The following LRP1B variants were observed in gnomAD, a reference collection of about 807,000 sequenced individuals.
The protein encoded by LRP1B is low-density lipoprotein receptor-related protein 1B.
LRP1B carries 217 observed loss-of-function variants against 556.6 expected under a neutral mutation model. The ratio of observed to expected loss-of-function variants is 0.39; its 90% CI spans 0.35 to 0.44. The LOEUF is 0.44. LRP1B is among the 20% of genes least tolerant of loss of function. LRP1B has a pLI of 1.00. For synonymous variants in LRP1B, 2,047 were observed against 1,865.8 expected (o/e 1.10, Z -2.50); for missense variants, 5,053 against 5,620.8 (o/e 0.90, Z 3.23).
intron 5 of LRP1B, among the ~76,000 whole-genome samples, chr2:141,230,146 T>A (rs1683405127): frequency 6.6e-6 from 1 of 152,222 alleles, no homozygotes; most frequent in Admixed American, 6.5e-5. Context: ...ACAGCATATT[T>A]AAACGTAACA....
At chr2:140,884,737 G>T (rs909695342) in intron 24 of LRP1B, among the ~76,000 whole-genome samples, 2 of 152,040 alleles carry the variant, frequency 1.3e-5, no homozygotes, top group East Asian at 1.9e-4. Context: ...TTGAGACAGG[G>T]TCTCACTTTG....
At chr2:141,105,927 A>G (rs975364828) in intron 7 of LRP1B, among the ~76,000 whole-genome samples, 2 of 152,152 alleles carry the variant, frequency 1.3e-5, no homozygotes, top group Non-Finnish European at 2.9e-5. Flanking sequence ...TTAAAAAAAA[A>G]GCTGGTCACC....
chr2:140,903,270 A>T (rs1461215637), intron 22 of LRP1B, 105 bp from the exon 23 acceptor site: 2 of 1,297,998 alleles, frequency 1.5e-6, no homozygotes, highest in Non-Finnish European at 2.1e-6. Flanking sequence ...CCAGGATACT[A>T]CAAATGAATA....
At chr2:140,897,078 C>A (rs1287136247) in intron 23 of LRP1B, among the ~76,000 whole-genome samples, 1 of 152,032 alleles carries the variant, frequency 6.6e-6, no homozygotes, top group East Asian at 1.9e-4. Flanking sequence ...AGATTAATTA[C>A]CAGAAGATTA....
chr2:140,675,073 C>T (rs1014997069), intron 41 of LRP1B, among the ~76,000 whole-genome samples: 1 of 152,168 alleles, frequency 6.6e-6, no homozygotes, highest in Non-Finnish European at 1.5e-5. Flanking sequence ...CTGCTTTTAT[C>T]ATCATATCAC....
intron 35 of LRP1B, among the ~76,000 whole-genome samples, chr2:140,762,054 C>A (rs1688944810): frequency 6.6e-6 from 1 of 152,084 alleles, no homozygotes; most frequent in Non-Finnish European, 1.5e-5. Flanking sequence ...CATGAGTCTT[C>A]TGCCCCTCAG....
chr2:141,340,611 A>G (rs1688023140), intron 3 of LRP1B, among the ~76,000 whole-genome samples: 1 of 152,206 alleles, frequency 6.6e-6, no homozygotes, highest in Non-Finnish European at 1.5e-5. Flanking sequence ...CACTAATTTA[A>G]GTGATCTCTG....
At chr2:140,274,672 C>A in intron 84 of LRP1B, 74 bp from the exon 85 acceptor site, 3 of 1,231,562 alleles carry the variant, frequency 2.4e-6, no homozygotes, top group South Asian at 3.0e-5. Context: ...ATTAAGGTGA[C>A]CCTTTCATTT....
At position 140,731,764 on chromosome 2, in the gene LRP1B, C is replaced by CAAAAAAA. The variant is rs36060787; in HGVS notation, c.5759-14955_5759-14949dup. ...GCCTGGCAACAGAGTGAGACTCCGT[C>CAAAAAAA]AAAAAAAAAAAAAAAAAAAAAAAAA... On this transcript the variant is annotated intron_variant, in intron 35 of 90. Coordinates refer to ENST00000389484, the MANE Select transcript of LRP1B (RefSeq NM_018557.3). Among the ~76,000 whole-genome samples, 3 of 59,388 alleles carry CAAAAAAA rather than the reference C, an allele frequency of 5.1e-5. 1 individual carries two copies. Among genetic ancestry groups the CAAAAAAA allele is most frequent in the African/African-American group, 1.8e-4 (3 of 17,008 alleles). The allele number at this position is 59,388 out of a possible 152,430, so 39.0% of individuals were successfully genotyped here.
At chr2:140,480,826 G>C (rs1688205958) in intron 59 of LRP1B, among the ~76,000 whole-genome samples, 1 of 152,118 alleles carries the variant, frequency 6.6e-6, no homozygotes, top group African/African-American at 2.4e-5. Flanking sequence ...AACGATCTAG[G>C]CAGCTTTCTT....
chr2:142,093,850 AG>A (rs1269036385), intron 1 of LRP1B, among the ~76,000 whole-genome samples: 2 of 152,136 alleles, frequency 1.3e-5, no homozygotes, highest in Admixed American at 6.6e-5. Context: ...GATATGGTGC[AG>A]GCAATACACT....
intron 77 of LRP1B, among the ~76,000 whole-genome samples, chr2:140,349,488 G>T (rs1317359368): frequency 1.3e-5 from 2 of 151,342 alleles, no homozygotes; most frequent in African/African-American, 4.8e-5. Context: ...AAAATACATA[G>T]AATTAATGTA....
intron 2 of LRP1B, among the ~76,000 whole-genome samples, chr2:141,749,840 C>A (rs963841864): frequency 5.3e-5 from 8 of 152,048 alleles, no homozygotes; most frequent in African/African-American, 1.9e-4. Flanking sequence ...TGTAAAATAT[C>A]CTGGGGATTG....
chr2:141,348,344 G>A (rs1216472354), intron 3 of LRP1B, among the ~76,000 whole-genome samples: 1 of 151,926 alleles, frequency 6.6e-6, no homozygotes, highest in African/African-American at 2.4e-5. Flanking sequence ...TTATTTCACA[G>A]TTTTAAAATG....
At chr2:140,854,693 G>A (rs1203304495) in intron 27 of LRP1B, among the ~76,000 whole-genome samples, 2 of 152,066 alleles carry the variant, frequency 1.3e-5, no homozygotes, top group Admixed American at 1.3e-4. Context: ...ACATAACCAC[G>A]TGCATTGGTT....
chr2:141,529,971 T>C (rs895063691), intron 2 of LRP1B, among the ~76,000 whole-genome samples: 2 of 152,238 alleles, frequency 1.3e-5, no homozygotes, highest in Middle Eastern at 6.8e-3. Flanking sequence ...CTGTGAAAAA[T>C]AATGATATAC....
intron 18 of LRP1B, among the ~76,000 whole-genome samples, chr2:140,976,256 C>T (rs1696593070): frequency 6.6e-6 from 1 of 151,834 alleles, no homozygotes; most frequent in Non-Finnish European, 1.5e-5. Context: ...CTTCTCCTCT[C>T]CTGTCCTGTC....
intron 4 of LRP1B, among the ~76,000 whole-genome samples, chr2:141,254,311 T>G (rs934397287): frequency 6.6e-6 from 1 of 152,090 alleles, no homozygotes; most frequent in Non-Finnish European, 1.5e-5. Context: ...TTTCCCAAGT[T>G]TGAAATTACT....
intron 3 of LRP1B, among the ~76,000 whole-genome samples, chr2:141,326,513 T>A (rs1158972323): frequency 6.6e-6 from 1 of 151,852 alleles, no homozygotes; most frequent in Non-Finnish European, 1.5e-5. Context: ...TGAAATGGGG[T>A]GTGTATTTTT....
Sources: allele counts gnomAD v4.1 joint callset (sites outside exome capture counted in the v4.1 genomes callset), GRCh38; gene constraint gnomAD v4.1.1; transcripts MANE v1.5; gene names NCBI Gene and HGNC (gene_info 2026-07-23, HGNC 2026-07-21).